Variants in RANBP17 observed in about 807,000 individuals in gnomAD.
RANBP17 encodes ran-binding protein 17.
Under a neutral mutation model 141.2 loss-of-function variants are expected in RANBP17, and 158 were observed. That is an observed-to-expected ratio of 1.12 (90% confidence interval 0.98 to 1.28). The LOEUF is 1.28. Among genes scored for constraint, RANBP17 ranks in the 50% most tolerant of loss-of-function variants. RANBP17 has a pLI of 0.00. For synonymous variants in RANBP17, 430 were observed against 450.0 expected, an observed-to-expected ratio of 0.96 and a Z score of 0.56; for missense variants, 1,438 against 1,290.7, an observed-to-expected ratio of 1.11 and a Z score of -1.75.
At chr5:171,011,899 C>T (rs188923474) in intron 14 of RANBP17, among the ~76,000 whole-genome samples, 3 of 151,846 alleles carry the variant, frequency 2.0e-5, no homozygotes, top group Non-Finnish European at 1.5e-5. Context: ...AATCTAACAT[C>T]GTTTTGCTAC....
At chr5:171,089,709 G>A (rs575420841) in intron 14 of RANBP17, among the ~76,000 whole-genome samples, 1 of 152,194 alleles carries the variant, frequency 6.6e-6, no homozygotes, top group African/African-American at 2.4e-5. Context: ...TCGGGTGGGA[G>A]TGACCCGATT....
chr5:170,893,395 C>T (rs1282354036), intron 4 of RANBP17, among the ~76,000 whole-genome samples: 4 of 152,124 alleles, frequency 2.6e-5, no homozygotes, highest in African/African-American at 9.7e-5. Context: ...ACTGTCATGC[C>T]TTGCTCAGTA....
intron 14 of RANBP17, among the ~76,000 whole-genome samples, chr5:171,108,699 A>G (rs975143759): frequency 3.9e-5 from 6 of 152,182 alleles, no homozygotes; most frequent in African/African-American, 1.2e-4. Flanking sequence ...TGCATGAGCC[A>G]CCACCCCCAG....
At chr5:171,169,244 G>C (rs1256736241) in intron 14 of RANBP17, among the ~76,000 whole-genome samples, 1 of 152,128 alleles carries the variant, frequency 6.6e-6, no homozygotes, top group South Asian at 2.1e-4. Context: ...AGGCAGATTA[G>C]GAGAAAGTGA....
rs750904711 is a variant in RANBP17 at position 170,918,727 on chromosome 5, A to AG, written c.971dup (p.Asn325Ter). The AG allele has an allele frequency of 6.9e-6, 11 of 1,605,204 alleles. No individual in the cohort carries two copies. In the African/African-American group the frequency reaches 1.3e-4, roughly 20 times the overall value. Reference sequence around the variant, plus strand: ...TCATAATTTAGGGTTTGTCTGATCCAGGTAATTATCATGAATTTTGTCGAT... The same window carrying AG: ...TCATAATTTAGGGTTTGTCTGATCCAGGGTAATTATCATGAATTTTGTCGAT... On this transcript the variant is annotated frameshift_variant, in exon 10 of 28. Transcript: ENST00000523189. LOFTEE classifies it high-confidence loss of function.
At chr5:171,063,800 C>G (rs929429714) in intron 14 of RANBP17, among the ~76,000 whole-genome samples, 2 of 152,224 alleles carry the variant, frequency 1.3e-5, no homozygotes, top group Non-Finnish European at 1.5e-5. Flanking sequence ...CTTCCTTGAG[C>G]TGTGGTGGGC....
intron 14 of RANBP17, among the ~76,000 whole-genome samples, chr5:171,061,896 C>T (rs547158402): frequency 6.6e-6 from 1 of 152,260 alleles, no homozygotes; most frequent in Non-Finnish European, 1.5e-5. Context: ...TTGAATTGAT[C>T]CCTTTACCAT....
chr5:171,144,326 G>A (rs564175359), intron 14 of RANBP17, among the ~76,000 whole-genome samples: 26 of 151,700 alleles, frequency 1.7e-4, no homozygotes, highest in Non-Finnish European at 3.4e-4. Context: ...AAATCATGCC[G>A]CTGCCCTTAC....
At position 170,924,568 on chromosome 5, in the gene RANBP17, G is replaced by T; in HGVS notation, c.1468+18G>T. The T allele has an allele frequency of 6.7e-7, 1 of 1,494,240 alleles. No individual in the cohort carries two copies. The highest frequency in any genetic ancestry group is 1.2e-5 in the South Asian group (1 of 86,810). 92.6% of individuals were successfully genotyped at this position (1,494,240 alleles called of 1,614,324 possible). On this transcript the variant is annotated intron_variant, in intron 12 of 27. Transcript: ENST00000523189. ...TCAGGAAGGTCAGTAAACTTTATAT[G>T]ACTACTGAGTATTATGTTGAATATT... is the stretch of plus-strand genomic sequence containing the variant.
Position 171,202,683 on chromosome 5 carries a change from C to G in RANBP17, c.2143-2841C>G, listed in dbSNP as rs748558622. Among the ~76,000 whole-genome samples the G allele has an allele frequency of 2.4e-4, 36 of 151,962 alleles. 1 individual carries two copies. The highest frequency in any genetic ancestry group is 4.9e-4 in the Non-Finnish European group (33 of 68,004). On this transcript the variant is annotated intron_variant, in intron 19 of 27. Coordinates refer to ENST00000523189, the MANE Select transcript of RANBP17 (RefSeq NM_022897.5). Reference sequence around the variant, plus strand: ...GATGAAAACACTCCAGTTGAAACACCTTGGGGCCTGCTCATTCCTCTGACA... The same window carrying G: ...GATGAAAACACTCCAGTTGAAACACGTTGGGGCCTGCTCATTCCTCTGACA...
chr5:171,159,583 A>C (rs1372615517), intron 14 of RANBP17, among the ~76,000 whole-genome samples: 1 of 152,134 alleles, frequency 6.6e-6, no homozygotes, highest in Non-Finnish European at 1.5e-5. Context: ...ATTTTAAACT[A>C]ATGATAGTGT....
chr5:171,167,052 C>G (rs904981146), intron 14 of RANBP17, among the ~76,000 whole-genome samples: 5 of 152,140 alleles, frequency 3.3e-5, no homozygotes, highest in Non-Finnish European at 5.9e-5. Flanking sequence ...AGGAATGGTG[C>G]AAGTTACAAG....
intron 12 of RANBP17, among the ~76,000 whole-genome samples, chr5:170,951,678 TA>T (rs1451634315): frequency 1.3e-5 from 2 of 152,120 alleles, no homozygotes; most frequent in Non-Finnish European, 2.9e-5. Flanking sequence ...GTTAATTTAC[TA>T]AAAAACATTG....
chr5:171,286,496 T>C (rs1768180660), intron 25 of RANBP17, among the ~76,000 whole-genome samples: 1 of 152,196 alleles, frequency 6.6e-6, no homozygotes, highest in African/African-American at 2.4e-5. Context: ...GTTATTTTTA[T>C]ATATAGATAA....
chr5:170,922,717 A>G (rs1463320243), intron 11 of RANBP17, among the ~76,000 whole-genome samples: 2 of 152,176 alleles, frequency 1.3e-5, no homozygotes, highest in African/African-American at 2.4e-5. Context: ...CTGCAGATAC[A>G]GTCTGTCACG....
chr5:170,956,751 A>AT (rs538657725), intron 13 of RANBP17, among the ~76,000 whole-genome samples: 156 of 144,360 alleles, frequency 1.1e-3, no homozygotes, highest in African/African-American at 3.7e-3. Context: ...TGCCCAGCTG[A>AT]TTTTTTTTTA....
intron 12 of RANBP17, among the ~76,000 whole-genome samples, chr5:170,935,770 C>A (rs115772302): frequency 1.3e-5 from 2 of 152,158 alleles, no homozygotes. Context: ...GCAGTCGGTC[C>A]GTTCTCAGAT....
chr5:170,894,345 C>G (rs1769915320), intron 4 of RANBP17, among the ~76,000 whole-genome samples: 1 of 151,968 alleles, frequency 6.6e-6, no homozygotes, highest in South Asian at 2.1e-4. Flanking sequence ...CTCAAGCTCC[C>G]TCTTTAGTGG....
At chr5:170,941,285 G>A (rs2127475428) in intron 12 of RANBP17, among the ~76,000 whole-genome samples, 1 of 152,082 alleles carries the variant, frequency 6.6e-6, no homozygotes, top group African/African-American at 2.4e-5. Context: ...TAAAGATACA[G>A]TAGAATTAAA....
Sources: gnomAD v4.1 joint callset for allele counts (sites outside exome capture counted in the v4.1 genomes callset) on GRCh38, gnomAD v4.1.1 for gene constraint, MANE v1.5 for transcripts, NCBI Gene and HGNC (gene_info 2026-07-23, HGNC 2026-07-21) for gene names.